SVBP: variants seen among roughly 807,000 people sequenced by gnomAD.
SVBP encodes the protein small vasohibin binding protein, also known as small vasohibin-binding protein.
In SVBP, 9 loss-of-function variants were observed where a neutral mutation model predicts 9.2. The observed-to-expected ratio is 0.98, with a 90% confidence interval of 0.59 to 1.71. SVBP has a LOEUF of 1.71. Among genes scored for constraint, SVBP ranks in the 40% most tolerant of loss-of-function variants. The pLI, the probability that SVBP is intolerant of heterozygous loss-of-function variation, is 0.00. For synonymous variants in SVBP, 27 were observed against 23.9 expected (o/e 1.13, Z -0.37); for missense variants, 63 against 73.2 (o/e 0.86, Z 0.51).
rs375474362 is a variant in SVBP at position 42,816,825 on chromosome 1, G to C, written c.-36-245C>G. 7.0e-5 allele frequency: 25 copies of C among 356,288 alleles called. No homozygotes were observed. The East Asian group carries it at 1.5e-3, about 21-fold the overall frequency. The allele number at this position is 356,288 out of a possible 1,614,324, so 22.1% of individuals were successfully genotyped here. ...GTTTTCTGTCTGCAAAATGGGTTAA[G>C]TGTTTTCCTGGCCTCCCTCCAGGAG... On this transcript the variant is annotated intron_variant, in intron 1 of 2. Coordinates refer to ENST00000372521, the MANE Select transcript of SVBP (RefSeq NM_199342.4).
chr1:42,813,594 T>C (rs1335886666), intron 2 of SVBP: 7 of 529,566 alleles, frequency 1.3e-5, no homozygotes, highest in Non-Finnish European at 2.7e-5. Flanking sequence ...TTGGGGGTGC[T>C]CTCCACAGTC....
chr1:42,811,971 T>C (rs770390428), intron 2 of SVBP, among the ~76,000 whole-genome samples: 6 of 151,290 alleles, frequency 4.0e-5, no homozygotes, highest in Admixed American at 1.3e-4. Context: ...CATAGACAAT[T>C]AAGAATAGGG....
At chr1:42,809,145 C>T (rs754905954) in intron 2 of SVBP, 1 of 152,166 alleles carries the variant, frequency 6.6e-6, no homozygotes, top group Non-Finnish European at 1.5e-5. Context: ...GGTAACTACA[C>T]CTTATTCCTC....
chr1:42,813,357 T>C (rs1654120830), intron 2 of SVBP: 1 of 368,088 alleles, frequency 2.7e-6, no homozygotes, highest in Admixed American at 3.3e-5. Context: ...TCAGAAAAAA[T>C]ACGCATTTAA....
chr1:42,816,224 T>A, intron 2 of SVBP: 1 of 510,572 alleles, frequency 2.0e-6, no homozygotes, highest in East Asian at 3.4e-5. Flanking sequence ...CGCACCAGAC[T>A]GGGGTTCTGA....
At position 42,807,316 on chromosome 1, in the gene SVBP, G is replaced by A; in HGVS notation, c.*98C>T. On this transcript the variant is annotated 3_prime_UTR_variant, in exon 3 of 3. Transcript: ENST00000372521. ...TCAGATTTATCCACAAATGTCTTCT[G>A]GTCTAGTTCTGTAAGGCTCCAAATG... 1 of 799,186 alleles carries A rather than the reference G, an allele frequency of 1.3e-6. No individual in the cohort carries two copies. The allele number at this position is 799,186 out of a possible 1,614,324, so 49.5% of individuals were successfully genotyped here.
intron 2 of SVBP, among the ~76,000 whole-genome samples, chr1:42,808,862 A>G (rs913865454): frequency 4.6e-5 from 7 of 151,974 alleles, no homozygotes; most frequent in Non-Finnish European, 8.8e-5. Flanking sequence ...AAACCCGGCT[A>G]AGTTTTGTAT....
intron 2 of SVBP, 149 bp downstream of exon 2, chr1:42,816,282 C>T: frequency 3.3e-6 from 2 of 597,060 alleles, no homozygotes; most frequent in East Asian, 2.9e-5. Flanking sequence ...CATTCTGAAC[C>T]TCAGTGTTGT....
chr1:42,815,178 T>C (rs1020967014), intron 2 of SVBP, among the ~76,000 whole-genome samples: 1 of 125,048 alleles, frequency 8.0e-6, no homozygotes, highest in Non-Finnish European at 1.6e-5. Flanking sequence ...TGAGAACACT[T>C]GGACACAGGA....
chr1:42,807,534 T>C (rs1189732856), intron 2 of SVBP, 34 bp from the exon 3 acceptor site: 5 of 1,508,360 alleles, frequency 3.3e-6, no homozygotes, highest in Admixed American at 1.7e-5. Flanking sequence ...CTGTTAGCAA[T>C]GGAAGCAGCT....
At position 42,816,235 on chromosome 1, in the gene SVBP, C is replaced by T; in HGVS notation, c.114+196G>A. 3 of 520,062 alleles carry T rather than the reference C, an allele frequency of 5.8e-6. No homozygotes were observed. The South Asian group carries it at 8.4e-5, about 14-fold the overall frequency. The allele number at this position is 520,062 out of a possible 1,614,324, so 32.2% of individuals were successfully genotyped here. A position where few individuals can be genotyped will look rare whatever the true frequency, so the allele number is the denominator to read the frequency against. ...GCTCCGCACCAGACTGGGGTTCTGACACTAACTTGGCATGTGATTCTGGGC... is the reference window on the plus strand; with the variant it reads ...GCTCCGCACCAGACTGGGGTTCTGATACTAACTTGGCATGTGATTCTGGGC... On this transcript the variant is annotated intron_variant, in intron 2 of 2. Coordinates refer to ENST00000372521, the MANE Select transcript of SVBP (RefSeq NM_199342.4).
intron 1 of SVBP, chr1:42,816,861 C>G (rs1654226024): frequency 7.7e-6 from 2 of 258,908 alleles, no homozygotes; most frequent in South Asian, 4.7e-5. Context: ...CTGCTGTGTG[C>G]GGGTGAAATG....
chr1:42,816,380 G>T, intron 2 of SVBP, 51 bp downstream of exon 2: 1 of 1,277,280 alleles, frequency 7.8e-7, no homozygotes. Context: ...CTCTATTCCA[G>T]CATCATCTCC....
intron 2 of SVBP, among the ~76,000 whole-genome samples, chr1:42,812,797 A>T (rs1654108685): frequency 6.6e-6 from 1 of 152,234 alleles, no homozygotes; most frequent in Admixed American, 6.5e-5. Context: ...CAGAATGTCC[A>T]TGTACAAGTT....
At chr1:42,807,523 T>C (rs1653987479) in intron 2 of SVBP, 23 bp from the exon 3 acceptor site, 1 of 1,577,298 alleles carries the variant, frequency 6.3e-7, no homozygotes, top group Non-Finnish European at 8.7e-7. Context: ...AAGAGATACA[T>C]CTGTTAGCAA....
chr1:42,810,720 C>T (rs929838009), intron 2 of SVBP, among the ~76,000 whole-genome samples: 1 of 152,132 alleles, frequency 6.6e-6, no homozygotes, highest in Non-Finnish European at 1.5e-5. Context: ...CTTCCGTTCC[C>T]ATTCACCTCC....
At chr1:42,811,641 T>C (rs323716) in intron 2 of SVBP, among the ~76,000 whole-genome samples, 101,651 of 152,074 alleles carry the variant, frequency 0.67, 34,377 homozygotes, top group South Asian at 0.82. Context: ...TACTGCGCTA[T>C]GGGCTTTACA....
chr1:42,816,604 A>C, intron 1 of SVBP, 24 bp from the exon 2 acceptor site: 1 of 1,210,924 alleles, frequency 8.3e-7, no homozygotes, highest in Non-Finnish European at 1.2e-6. Flanking sequence ...AAAGAGGCAG[A>C]TCTTCAAAAC....
intron 2 of SVBP, among the ~76,000 whole-genome samples, chr1:42,808,155 A>G (rs866009781): frequency 4.6e-4 from 32 of 69,264 alleles, no homozygotes; most frequent in Non-Finnish European, 8.2e-4. Flanking sequence ...GTGTGTATAT[A>G]TATATATATA....
Sources: gnomAD v4.1 joint callset for allele counts (sites outside exome capture counted in the v4.1 genomes callset) on GRCh38, gnomAD v4.1.1 for gene constraint, MANE v1.5 for transcripts, NCBI Gene and HGNC (gene_info 2026-07-23, HGNC 2026-07-21) for gene names.